PSD3: variants seen among roughly 807,000 people sequenced by gnomAD.
PSD3 encodes pleckstrin and Sec7 domain containing 3, also known as PH and SEC7 domain-containing protein 3.
Under a neutral mutation model 105.5 loss-of-function variants are expected in PSD3, and 49 were observed. The ratio of observed to expected loss-of-function variants is 0.46; its 90% CI spans 0.37 to 0.59. The LOEUF (loss-of-function observed/expected upper bound fraction) is 0.59, where lower values mean the gene tolerates loss of function less well. Ranked by LOEUF, PSD3 falls within the 20% of genes least tolerant of loss-of-function variation. The probability of loss-of-function intolerance (pLI) is 0.00; values close to 1 mark genes in which losing one functional copy is unlikely to be tolerated. For synonymous variants in PSD3, 557 were observed against 457.8 expected (o/e 1.22, Z -2.77); for missense variants, 1,561 against 1,263.8 (o/e 1.24, Z -3.57).
chr8:18,835,561 T>C (rs181552453), intron 4 of PSD3, among the ~76,000 whole-genome samples: 25 of 152,248 alleles, frequency 1.6e-4, no homozygotes, highest in African/African-American at 4.8e-4. Flanking sequence ...GTAAAATACG[T>C]AGTACGTTGG....
intron 15 of PSD3, among the ~76,000 whole-genome samples, chr8:18,544,941 C>T (rs932487016): frequency 2.6e-5 from 4 of 152,160 alleles, no homozygotes; most frequent in African/African-American, 9.7e-5. Context: ...CCCTGCTATT[C>T]CTTTCCTCAG....
intron 1 of PSD3, among the ~76,000 whole-genome samples, chr8:18,962,120 C>A (rs1225749450): frequency 6.6e-6 from 1 of 152,018 alleles, no homozygotes; most frequent in Non-Finnish European, 1.5e-5. Context: ...GTGGCGGGCA[C>A]CTGTAATCCC....
chr8:18,980,285 G>C (rs1586570451), intron 1 of PSD3, among the ~76,000 whole-genome samples: 1 of 152,202 alleles, frequency 6.6e-6, no homozygotes. Flanking sequence ...TGCACTTAGA[G>C]TGGGAAGTCC....
chr8:18,610,225 CTTTAT>C (rs1171723016), intron 11 of PSD3, among the ~76,000 whole-genome samples: 51 of 152,282 alleles, frequency 3.3e-4, no homozygotes, highest in African/African-American at 1.2e-3. Flanking sequence ...CTCTATACTT[CTTTAT>C]TTGAGTCCTT....
chr8:18,884,304 A>G (rs1244757876), intron 2 of PSD3, among the ~76,000 whole-genome samples: 1 of 152,226 alleles, frequency 6.6e-6, no homozygotes, highest in Non-Finnish European at 1.5e-5. Context: ...AAACTTCACC[A>G]GCAACACAGT....
rs763205457 is a variant in PSD3 at position 18,801,321 on chromosome 8, G to A, written c.1972C>T (p.His658Tyr). 2 of 1,608,046 alleles carry A rather than the reference G, an allele frequency of 1.2e-6. No homozygotes were observed. Among genetic ancestry groups the A allele is most frequent in the East Asian group, 2.2e-5 (1 of 44,620 alleles). ...CAATAAAAATATCTATTGGAGAAGT[G>A]TATTAAAACTCTCTCTCGTTCTTGA... ...ETQERERVLI[H>Y]FSNRYFYCNP... Residue 658 changes from histidine (H) to tyrosine (Y), a missense_variant, in exon 7 of 16, where the codon CAC becomes TAC. Physicochemically the swap from His to Tyr is moderately conservative, Grantham distance 83. Transcript: ENST00000327040.
intron 4 of PSD3, among the ~76,000 whole-genome samples, chr8:18,834,952 G>A (rs1400019576): frequency 6.6e-6 from 1 of 152,124 alleles, no homozygotes; most frequent in Non-Finnish European, 1.5e-5. Flanking sequence ...AGGGTAAGCA[G>A]ATAAGAATTA....
chr8:18,643,430 G>A lies in PSD3; in HGVS notation c.2217-10624C>T, dbSNP rs556911699. ...CTTTCTAGCACCAACTCAGAAGTCC[G>A]AAGTCCAAACTCTGACCTAAATCAG... is the stretch of plus-strand genomic sequence containing the variant. On this transcript the variant is annotated intron_variant, in intron 10 of 15. Coordinates refer to ENST00000327040, the MANE Select transcript of PSD3 (RefSeq NM_015310.4). Among the ~76,000 whole-genome samples, 14 of 152,274 alleles carry A rather than the reference G, an allele frequency of 9.2e-5. 1 individual carries two copies. The East Asian group carries it at 1.7e-3, about 19-fold the overall frequency.
intron 4 of PSD3, among the ~76,000 whole-genome samples, chr8:18,813,545 T>C (rs117849727): frequency 0.043 from 6,534 of 152,314 alleles, 171 homozygotes; most frequent in Admixed American, 0.063. Context: ...ATTTGAATTC[T>C]GTTACAACAG....
chr8:18,734,573 C>A (rs1176478854), intron 9 of PSD3, among the ~76,000 whole-genome samples: 1 of 152,158 alleles, frequency 6.6e-6, no homozygotes, highest in East Asian at 1.9e-4. Flanking sequence ...GCTTGTAAAC[C>A]TGAATTCATT....
chr8:18,865,441 G>A (rs1033810462), intron 4 of PSD3, among the ~76,000 whole-genome samples: 1 of 150,950 alleles, frequency 6.6e-6, no homozygotes, highest in South Asian at 2.1e-4. Context: ...GAAAAATATG[G>A]GTTTTTCAGT....
At chr8:18,808,266 T>G (rs978931827) in intron 4 of PSD3, among the ~76,000 whole-genome samples, 8 of 152,326 alleles carry the variant, frequency 5.3e-5, no homozygotes, top group African/African-American at 1.9e-4. Flanking sequence ...AGAAAGGATT[T>G]TCTTCTTAAT....
intron 9 of PSD3, among the ~76,000 whole-genome samples, chr8:18,701,548 C>A (rs1213117398): frequency 2.6e-5 from 4 of 152,116 alleles, no homozygotes; most frequent in Non-Finnish European, 5.9e-5. Flanking sequence ...ATATTGCAGT[C>A]CAGTTAAACC....
chr8:18,541,031 C>T (rs549889903), intron 15 of PSD3, among the ~76,000 whole-genome samples: 27 of 152,022 alleles, frequency 1.8e-4, no homozygotes, highest in African/African-American at 6.3e-4. Context: ...TTCAGGTGTG[C>T]ACTTTAACAT....
chr8:18,981,787 G>T (rs1825265002), intron 1 of PSD3, among the ~76,000 whole-genome samples: 1 of 149,226 alleles, frequency 6.7e-6, no homozygotes, highest in South Asian at 2.2e-4. Context: ...ATACTTTATT[G>T]CTAAAAAAAA....
chr8:18,622,311 C>T (rs529134889), intron 11 of PSD3, among the ~76,000 whole-genome samples: 1 of 152,290 alleles, frequency 6.6e-6, no homozygotes, highest in Admixed American at 6.5e-5. Context: ...TCCTCTGTTC[C>T]CATTTTACAA....
intron 2 of PSD3, among the ~76,000 whole-genome samples, chr8:18,873,818 A>G (rs759202737): frequency 3.3e-5 from 5 of 152,250 alleles, no homozygotes; most frequent in African/African-American, 4.8e-5. Context: ...TAGTAAGATC[A>G]CTACCTGCAT....
rs549253002 is a variant in PSD3 at position 18,796,145 on chromosome 8, T to C, written c.2082+3150A>G. ...GAAAATGATATATCAGTCACATTTT[T>C]TTAAAAGCAGGTACTGAATTCTCCC... is the stretch of plus-strand genomic sequence containing the variant. On this transcript the variant is annotated intron_variant, in intron 8 of 15. Coordinates refer to ENST00000327040, the MANE Select transcript of PSD3 (RefSeq NM_015310.4). 3.8e-4 allele frequency among the ~76,000 whole-genome samples: 56 copies of C among 148,204 alleles called. 1 individual carries two copies. The South Asian group carries it at 0.011, about 30-fold the overall frequency.
Position 18,531,336 on chromosome 8 carries a change from T to C in PSD3, c.*4407A>G, listed in dbSNP as rs933535532. The C allele has an allele frequency of 6.6e-6, 1 of 152,662 alleles. No homozygotes were observed. Among genetic ancestry groups the C allele is most frequent in the Non-Finnish European group, 1.5e-5 (1 of 68,046 alleles). The allele number at this position is 152,662 out of a possible 1,614,324, so 9.5% of individuals were successfully genotyped here. On this transcript the variant is annotated 3_prime_UTR_variant, in exon 16 of 16. Transcript: ENST00000327040. The stretch of plus-strand genomic sequence containing the variant: ...CTCTCTGCATGCAATGGGCCAATTA[T>C]TGTCATAAGCAGAAGGCTGCCCACG...
Sources: allele counts gnomAD v4.1 joint callset (sites outside exome capture counted in the v4.1 genomes callset), GRCh38; gene constraint gnomAD v4.1.1; transcripts MANE v1.5; gene names NCBI Gene and HGNC (gene_info 2026-07-23, HGNC 2026-07-21).